CD6: variants seen among roughly 807,000 people sequenced by gnomAD.
CD6 encodes the protein T-cell differentiation antigen CD6.
CD6 carries 53 observed loss-of-function variants against 75.3 expected under a neutral mutation model. The ratio of observed to expected loss-of-function variants is 0.70; its 90% confidence interval spans 0.56 to 0.88. The LOEUF is 0.88. Ranked by LOEUF, CD6 falls within the 40% of genes least tolerant of loss-of-function variation. The pLI, the probability that CD6 is intolerant of heterozygous loss-of-function variation, is 0.00. For synonymous variants in CD6, 359 were observed against 381.5 expected (o/e 0.94, Z 0.69); for missense variants, 770 against 897.1 (o/e 0.86, Z 1.81).
chr11:60,976,022 T>G (rs1295101051), intron 1 of CD6, among the ~76,000 whole-genome samples: 1 of 152,234 alleles, frequency 6.6e-6, no homozygotes, highest in Non-Finnish European at 1.5e-5. Flanking sequence ...TATTAAGTTA[T>G]TTTTAAAATT....
chr11:61,009,608 G>A lies in CD6; in HGVS notation c.818G>A (p.Arg273His), dbSNP rs771398315. 2.4e-5 allele frequency: 39 copies of A among 1,612,002 alleles called. No individual in the cohort carries two copies. Among genetic ancestry groups the A allele is most frequent in the South Asian group, 1.5e-4 (14 of 90,944 alleles). The part of the protein sequence containing the change: ...QSWRLTGGAD[R>H]CEGQVEVHFR... ...TGGCGCCTGACAGGGGGCGCTGACC[G>A]CTGCGAGGGGCAGGTGGAGGTACAC... Residue 273 changes from arginine (R) to histidine (H), a missense_variant, in exon 5 of 13, where the codon CGC becomes CAC. Transcript: ENST00000313421.
intron 1 of CD6, among the ~76,000 whole-genome samples, chr11:61,001,455 C>A (rs915415708): frequency 2.6e-5 from 4 of 152,240 alleles, no homozygotes; most frequent in Non-Finnish European, 5.9e-5. Context: ...CCCACCTTGG[C>A]CTCCCAAAGT....
At position 60,989,677 on chromosome 11, in the gene CD6, T is replaced by C. The variant is rs181148616; in HGVS notation, c.50-16897T>C. ...GACTTCCATTAATAATAAGAGTAACTAGAATTTGTTGAGCATTCACAGCAC... is the reference window on the plus strand; with the variant it reads ...GACTTCCATTAATAATAAGAGTAACCAGAATTTGTTGAGCATTCACAGCAC... On this transcript the variant is annotated intron_variant, in intron 1 of 12. Coordinates refer to ENST00000313421, the MANE Select transcript of CD6 (RefSeq NM_006725.5). 1.9e-3 allele frequency among the ~76,000 whole-genome samples: 288 copies of C among 152,282 alleles called. 1 individual carries two copies. The highest frequency in any genetic ancestry group is 6.8e-3 in the African/African-American group (284 of 41,558).
At chr11:60,997,039 C>T (rs1287153452) in intron 1 of CD6, among the ~76,000 whole-genome samples, 1 of 152,134 alleles carries the variant, frequency 6.6e-6, no homozygotes. Context: ...ACCTTCCCCC[C>T]ATACAGCACT....
chr11:60,994,895 G>A (rs561471312), intron 1 of CD6, among the ~76,000 whole-genome samples: 10 of 152,306 alleles, frequency 6.6e-5, no homozygotes, highest in African/African-American at 2.4e-4. Context: ...TAGCCTTCCT[G>A]GCCTTGGAGA....
Position 61,009,890 on chromosome 11 carries a change from C to G in CD6, c.1084+16C>G. On this transcript the variant is annotated intron_variant, in intron 5 of 12. Transcript: ENST00000313421. The stretch of plus-strand genomic sequence containing the variant: ...CTCTGCTCAGGTACCCCATCCTACT[C>G]CACCCCCCCAGATTTGAGCCAGAAT... The G allele has an allele frequency of 6.6e-7, 1 of 1,526,404 alleles. No individual in the cohort carries two copies. The allele number at this position is 1,526,404 out of a possible 1,614,324, so 94.6% of individuals were successfully genotyped here.
Position 61,007,867 on chromosome 11 carries a change from C to T in CD6, c.426C>T (p.His142=), listed in dbSNP as rs1858944868. 1.4e-6 allele frequency: 2 copies of T among 1,390,520 alleles called. No individual in the cohort carries two copies. The highest frequency in any genetic ancestry group is 9.3e-7 in the Non-Finnish European group (1 of 1,078,988). The allele number at this position is 1,390,520 out of a possible 1,614,324, so 86.1% of individuals were successfully genotyped here. A position where few individuals can be genotyped will look rare whatever the true frequency, so the allele number is the denominator to read the frequency against. Residue 142 remains histidine (H), a synonymous_variant, in exon 3 of 13, where the codon CAC becomes CAT. Coordinates refer to ENST00000313421, the MANE Select transcript of CD6 (RefSeq NM_006725.5). This position sits in a 1 kb window ranked among gnomAD's most constrained non-coding sequence, Gnocchi z 4.2. ...GGCGGCTCTGCGAGGTGGTGGAGCA[C>T]GCGTGCCGCAGCGACGGGAGGCGGG... ...AEWRLCEVVE[H]ACRSDGRRAR...
Position 61,017,523 on chromosome 11 carries a change from A to G in CD6, c.1555A>G (p.Arg519Gly). Residue 519 changes from arginine to glycine, a missense_variant, in exon 10 of 13, where the codon AGG becomes GGG. Physicochemically the swap from Arg to Gly is moderately radical, Grantham distance 125. Coordinates refer to ENST00000313421, the MANE Select transcript of CD6 (RefSeq NM_006725.5). Reference protein sequence around the residue: ...RVTDEEVQQSRFQMPPLEEGL... With the variant: ...RVTDEEVQQSGFQMPPLEEGL... Reference sequence around the variant, plus strand: ...CACAGATGAGGAGGTCCAGCAAAGCAGGTTCCAGATGCCACCCTTGGAGGA... The same window carrying G: ...CACAGATGAGGAGGTCCAGCAAAGCGGGTTCCAGATGCCACCCTTGGAGGA... 1 of 1,552,420 alleles carries G rather than the reference A, an allele frequency of 6.4e-7. No homozygotes were observed. The highest frequency in any genetic ancestry group is 1.2e-5 in the South Asian group (1 of 84,270).
rs761670188 is a variant in CD6 at position 61,008,547 on chromosome 11, G to A, written c.483G>A (p.Leu161=). Residue 161 remains leucine, a synonymous_variant, in exon 4 of 13, where the codon CTG becomes CTA. Coordinates refer to ENST00000313421, the MANE Select transcript of CD6 (RefSeq NM_006725.5). ...ARVTCAENRA[L]RLVDGGGACA... ...TCCCACCCCTAGAGAACCGCGCGCT[G>A]CGCCTGGTGGACGGTGGCGGCGCCT... The A allele has an allele frequency of 1.9e-6, 3 of 1,602,182 alleles. No homozygotes were observed. The South Asian group carries it at 3.4e-5, about 18-fold the overall frequency.
rs924167830 is a variant in CD6, at chr11:61,007,299, C to G, written c.119-261C>G. Among the ~76,000 whole-genome samples, 5 of 152,122 alleles carry G rather than the reference C, an allele frequency of 3.3e-5. No homozygotes were observed. Among genetic ancestry groups the G allele is most frequent in the Admixed American group, 1.3e-4 (2 of 15,278 alleles). On this transcript the variant is annotated intron_variant, in intron 2 of 12. Coordinates refer to ENST00000313421, the MANE Select transcript of CD6 (RefSeq NM_006725.5). This position sits in a 1 kb window ranked among gnomAD's most constrained non-coding sequence, Gnocchi z 4.2. ...TGAGGAGGGTTTCTAGGGGGCTGGA[C>G]CCCTAGTTGTCTGTCACCCATCTTA... is the stretch of plus-strand genomic sequence containing the variant.
chr11:60,981,851 C>G (rs1447717532), intron 1 of CD6, among the ~76,000 whole-genome samples: 3 of 152,050 alleles, frequency 2.0e-5, no homozygotes, highest in Non-Finnish European at 4.4e-5. Flanking sequence ...TCTCTGGTCC[C>G]TGGGAGATGC....
chr11:60,988,349 C>T (rs1042575884), intron 1 of CD6, among the ~76,000 whole-genome samples: 8 of 152,174 alleles, frequency 5.3e-5, no homozygotes, highest in Admixed American at 4.6e-4. Flanking sequence ...CTCTGAGCCA[C>T]GTAGATCCAC....
At chr11:60,998,650 T>C (rs1443818542) in intron 1 of CD6, among the ~76,000 whole-genome samples, 1 of 152,090 alleles carries the variant, frequency 6.6e-6, no homozygotes, top group East Asian at 1.9e-4. Context: ...TTAGCTGGCG[T>C]GGCCACACTG....
intron 5 of CD6, among the ~76,000 whole-genome samples, chr11:61,010,618 G>A (rs754048034): frequency 3.3e-5 from 5 of 152,166 alleles, no homozygotes. Flanking sequence ...GCTGATACTA[G>A]GCACTTCGCA....
chr11:60,983,059 C>T (rs1314477798), intron 1 of CD6, among the ~76,000 whole-genome samples: 1 of 152,098 alleles, frequency 6.6e-6, no homozygotes, highest in Non-Finnish European at 1.5e-5. Context: ...AACGGCTCCT[C>T]CAGTCCTCAG....
At chr11:60,975,963 A>G (rs1018141539) in intron 1 of CD6, among the ~76,000 whole-genome samples, 3 of 152,248 alleles carry the variant, frequency 2.0e-5, no homozygotes, top group Non-Finnish European at 4.4e-5. Context: ...GTTCCCAAGA[A>G]TTTTAGAAAA....
intron 5 of CD6, 99 bp from the exon 6 acceptor site, chr11:61,010,971 G>T: frequency 9.2e-7 from 1 of 1,084,686 alleles, no homozygotes; most frequent in Non-Finnish European, 1.4e-6. Context: ...CCCTAGTTCT[G>T]GGTCACTTGT....
chr11:60,982,322 C>T (rs896472392), intron 1 of CD6, among the ~76,000 whole-genome samples: 2 of 152,126 alleles, frequency 1.3e-5, no homozygotes, highest in Non-Finnish European at 2.9e-5. Flanking sequence ...CAAAGCCAAG[C>T]GTGACTCTGT....
intron 8 of CD6, among the ~76,000 whole-genome samples, chr11:61,014,756 G>A (rs900092126): frequency 2.4e-4 from 37 of 151,534 alleles, no homozygotes; most frequent in Non-Finnish European, 7.4e-5. Context: ...AAAAGAAAAG[G>A]TTCAGTCATT....
Sources: allele counts gnomAD v4.1 joint callset (sites outside exome capture counted in the v4.1 genomes callset), GRCh38; gene constraint gnomAD v4.1.1; non-coding constraint Gnocchi (gnomAD v3.1); transcripts MANE v1.5; gene names NCBI Gene and HGNC (gene_info 2026-07-23, HGNC 2026-07-21).